R3HDM1: variants seen among roughly 807,000 people sequenced by gnomAD.
R3HDM1 encodes the protein R3H domain-containing protein 1.
Under a neutral mutation model 141.1 loss-of-function variants are expected in R3HDM1, and 46 were observed. The observed-to-expected ratio is 0.33, with a 90% CI of 0.26 to 0.42. The LOEUF is 0.42. Ranked by LOEUF, R3HDM1 falls within the 10% of genes least tolerant of loss-of-function variation. R3HDM1 has a pLI of 1.00. For synonymous variants in R3HDM1, 435 were observed against 472.9 expected (o/e 0.92, Z 1.04); for missense variants, 1,184 against 1,368.3 (o/e 0.87, Z 2.12).
intron 1 of R3HDM1, chr2:135,566,752 A>C: frequency 1.0e-6 from 1 of 985,370 alleles, no homozygotes; most frequent in Non-Finnish European, 1.2e-6. Flanking sequence ...GAAATGATCA[A>C]AACTGTAAGC....
Position 135,709,526 on chromosome 2 carries a change from C to T in R3HDM1, c.2553C>T (p.His851=), listed in dbSNP as rs1045569356. The T allele has an allele frequency of 6.2e-7, 1 of 1,613,952 alleles. No homozygotes were observed. The highest frequency in any genetic ancestry group is 1.3e-5 in the African/African-American group (1 of 74,920). Residue 851 remains histidine (H), a synonymous_variant, in exon 22 of 27, where the codon CAC becomes CAT. Transcript: ENST00000683871. The part of the protein sequence containing the change: ...SPCSSQQLQG[H]QCTAGPPPPP... ...GCAGTTCCCAGCAGCTTCAAGGCCACCAATGTACAGGTATAAAGAAATCAG... is the reference window on the plus strand; with the variant it reads ...GCAGTTCCCAGCAGCTTCAAGGCCATCAATGTACAGGTATAAAGAAATCAG...
chr2:135,703,344 G>C (rs963913361), intron 21 of R3HDM1, among the ~76,000 whole-genome samples: 1 of 152,162 alleles, frequency 6.6e-6, no homozygotes, highest in African/African-American at 2.4e-5. Flanking sequence ...CATGAAGTAT[G>C]TTTTATATGT....
chr2:135,722,292 A>G (rs1412988378), intron 25 of R3HDM1, among the ~76,000 whole-genome samples, 177 bp from the exon 26 acceptor site: 1 of 152,262 alleles, frequency 6.6e-6, no homozygotes, highest in Non-Finnish European at 1.5e-5. Flanking sequence ...GTGATCGGTC[A>G]TAATGAAGGA....
intron 19 of R3HDM1, chr2:135,669,119 A>C (rs2067947093): frequency 8.2e-6 from 8 of 980,610 alleles, no homozygotes; most frequent in Non-Finnish European, 8.5e-6. Flanking sequence ...CTAATTGTTT[A>C]ATACAATTTA....
At chr2:135,633,564 G>T (rs1440868782) in intron 9 of R3HDM1, 1 of 151,948 alleles carries the variant, frequency 6.6e-6, no homozygotes, top group Non-Finnish European at 1.5e-5. Flanking sequence ...TAATCAGACA[G>T]TTCAAATCAT....
chr2:135,655,783 C>T (rs200832201), intron 18 of R3HDM1, among the ~76,000 whole-genome samples: 3 of 151,974 alleles, frequency 2.0e-5, no homozygotes, highest in Non-Finnish European at 4.4e-5. Context: ...TGTGAGCCAC[C>T]GCACCTGGCC....
intron 6 of R3HDM1, 25 bp from the exon 7 acceptor site, chr2:135,622,629 G>A (rs1221031932): frequency 1.5e-5 from 24 of 1,576,364 alleles, no homozygotes; most frequent in Non-Finnish European, 2.0e-5. Context: ...ACTTTATACT[G>A]GGTTTTTGTG....
At chr2:135,629,345 G>A (rs1290769801) in intron 7 of R3HDM1, among the ~76,000 whole-genome samples, 1 of 151,162 alleles carries the variant, frequency 6.6e-6, no homozygotes, top group South Asian at 2.1e-4. Flanking sequence ...CAAAACTTGG[G>A]TGAAAGAGGG....
intron 1 of R3HDM1, chr2:135,549,805 A>T (rs934818193): frequency 1.1e-5 from 3 of 261,580 alleles, no homozygotes; most frequent in Non-Finnish European, 1.8e-5. Context: ...TTTTGAAACT[A>T]GAGATAGCTG....
rs1008008870 is a variant in R3HDM1 at position 135,576,728 on chromosome 2, C to CATAA, written c.-249-25772_-249-25771insATAA. 2.6e-5 allele frequency among the ~76,000 whole-genome samples: 4 copies of CATAA among 152,046 alleles called. No homozygotes were observed. The South Asian group carries it at 6.2e-4, about 24-fold the overall frequency. On this transcript the variant is annotated intron_variant, in intron 1 of 26. Transcript: ENST00000683871. ...GTGGGTGAAACTTGAAAACATTATACTAAGTGAAATAAAGCAGTCACAAAA... is the reference window on the plus strand; with the variant it reads ...GTGGGTGAAACTTGAAAACATTATACATAATAAGTGAAATAAAGCAGTCACAAAA...
At chr2:135,626,557 G>A (rs2062073160) in intron 7 of R3HDM1, among the ~76,000 whole-genome samples, 1 of 152,020 alleles carries the variant, frequency 6.6e-6, no homozygotes, top group Admixed American at 6.6e-5. Context: ...TAAACCTGTG[G>A]GAAAGACATC....
intron 15 of R3HDM1, among the ~76,000 whole-genome samples, chr2:135,642,977 A>G (rs991910149): frequency 6.6e-6 from 1 of 152,144 alleles, no homozygotes; most frequent in South Asian, 2.1e-4. Flanking sequence ...AGATGATTTA[A>G]TATTTTACTT....
At chr2:135,680,365 G>T (rs774016357) in intron 21 of R3HDM1, 41 bp downstream of exon 21, 16 of 1,602,602 alleles carry the variant, frequency 1.0e-5, no homozygotes, top group Non-Finnish European at 1.3e-5. Flanking sequence ...GCTTCTCATT[G>T]TTTACCAGGA....
chr2:135,538,770 T>A (rs768597720), intron 1 of R3HDM1, among the ~76,000 whole-genome samples: 2 of 152,122 alleles, frequency 1.3e-5, no homozygotes, highest in South Asian at 4.1e-4. Context: ...CCCACCACCA[T>A]GCCCGGCTAA....
At chr2:135,652,884 A>G (rs1445739318) in intron 18 of R3HDM1, among the ~76,000 whole-genome samples, 2 of 152,022 alleles carry the variant, frequency 1.3e-5, no homozygotes, top group Non-Finnish European at 2.9e-5. Context: ...TTTCCGTTTC[A>G]TGTTTCAAAT....
intron 1 of R3HDM1, among the ~76,000 whole-genome samples, chr2:135,537,277 CTTTTTTT>C (rs1036767352): frequency 4.7e-5 from 4 of 84,456 alleles, no homozygotes; most frequent in Non-Finnish European, 2.2e-5. Context: ...ATTAGTCTGT[CTTTTTTT>C]TTTTTTTTTT....
chr2:135,688,719 T>A (rs1465153830), intron 21 of R3HDM1, among the ~76,000 whole-genome samples: 1 of 152,160 alleles, frequency 6.6e-6, no homozygotes, highest in Admixed American at 6.5e-5. Flanking sequence ...GGTGATCACT[T>A]GAGACCAAGA....
chr2:135,724,027 G>A lies in R3HDM1; in HGVS notation c.3140G>A (p.Gly1047Asp). 1 of 1,613,926 alleles carries A rather than the reference G, an allele frequency of 6.2e-7. No individual in the cohort carries two copies. The highest frequency in any genetic ancestry group is 1.1e-5 in the South Asian group (1 of 91,068). Residue 1047 changes from glycine (G) to aspartate (D), a missense_variant, in exon 27 of 27, where the codon GGC becomes GAC. Coordinates refer to ENST00000683871, the MANE Select transcript of R3HDM1 (RefSeq NM_001378107.1). ...CTTTTTGGGGAACTCTTTAAAATTGGCGCCAAGATCCGGTGGCTCCGGGAC... is the reference window on the plus strand; with the variant it reads ...CTTTTTGGGGAACTCTTTAAAATTGACGCCAAGATCCGGTGGCTCCGGGAC... ...EKLFGELFKI[G>D]AKIRWLRDPQ...
At chr2:135,667,861 C>CAA in intron 19 of R3HDM1, 2 of 719,070 alleles carry the variant, frequency 2.8e-6, no homozygotes, top group Non-Finnish European at 3.4e-6. Context: ...AATAATTAGA[C>CAA]AAGGAACCTA....
Sources: gnomAD v4.1 joint callset for allele counts (sites outside exome capture counted in the v4.1 genomes callset) on GRCh38, gnomAD v4.1.1 for gene constraint, MANE v1.5 for transcripts, NCBI Gene and HGNC (gene_info 2026-07-23, HGNC 2026-07-21) for gene names.